The following SOX5 variants were observed in gnomAD, a reference collection of about 807,000 sequenced individuals.
The protein encoded by SOX5 is transcription factor SOX-5.
In SOX5, 9 loss-of-function variants were observed where a neutral mutation model predicts 92.0. The ratio of observed to expected loss-of-function variants is 0.10; its 90% CI spans 0.06 to 0.17. The LOEUF (loss-of-function observed/expected upper bound fraction) is 0.17. Ranked by LOEUF, SOX5 falls within the 10% of genes least tolerant of loss-of-function variation. The probability of loss-of-function intolerance (pLI) is 1.00; values close to 1 mark genes in which losing one functional copy is unlikely to be tolerated. For missense variants in SOX5, 642 were observed against 944.5 expected, an observed-to-expected ratio of 0.68 and a Z score of 4.20; for synonymous variants, 344 against 336.3, an observed-to-expected ratio of 1.02 and a Z score of -0.25.
chr12:24,469,801 T>C (rs1454633982), intron 1 of SOX5, among the ~76,000 whole-genome samples: 2 of 152,180 alleles, frequency 1.3e-5, no homozygotes, highest in African/African-American at 4.8e-5. Context: ...AAAAACCCTT[T>C]CCTCCACTAA....
At chr12:24,451,238 A>G (rs1207365153) in intron 1 of SOX5, among the ~76,000 whole-genome samples, 2 of 152,206 alleles carry the variant, frequency 1.3e-5, no homozygotes, top group Non-Finnish European at 2.9e-5. Flanking sequence ...CTTTATGACT[A>G]GTGCTGCAAT....
intron 1 of SOX5, among the ~76,000 whole-genome samples, chr12:24,522,065 C>T (rs1373534192): frequency 6.7e-6 from 1 of 148,548 alleles, no homozygotes; most frequent in African/African-American, 2.5e-5. Flanking sequence ...GAGAGAAGAC[C>T]CAAAATCAGA....
At chr12:23,781,554 T>C (rs1353003327) in intron 3 of SOX5, among the ~76,000 whole-genome samples, 2 of 151,940 alleles carry the variant, frequency 1.3e-5, no homozygotes, top group African/African-American at 4.8e-5. Context: ...ATGATGAAAG[T>C]AAAAGAAAGG....
At chr12:23,551,828 A>C (rs1348808768) in intron 11 of SOX5, among the ~76,000 whole-genome samples, 1 of 151,498 alleles carries the variant, frequency 6.6e-6, no homozygotes, top group Non-Finnish European at 1.5e-5. Flanking sequence ...ATTGAAACCC[A>C]TAATTTTGTT....
intron 5 of SOX5, chr12:23,738,600 G>A (rs905250068): frequency 6.6e-6 from 1 of 152,152 alleles, no homozygotes; most frequent in East Asian, 1.9e-4. Flanking sequence ...AAGGATTCTA[G>A]AATCCTTTTA....
chr12:23,566,361 T>G (rs1283394434), intron 10 of SOX5, among the ~76,000 whole-genome samples: 1 of 152,206 alleles, frequency 6.6e-6, no homozygotes, highest in Non-Finnish European at 1.5e-5. Flanking sequence ...AGTGCAATCT[T>G]GTTTCTGTTG....
At chr12:23,795,219 G>A (rs571074053) in intron 3 of SOX5, among the ~76,000 whole-genome samples, 5 of 151,828 alleles carry the variant, frequency 3.3e-5, no homozygotes, top group Admixed American at 1.3e-4. Flanking sequence ...GAAAATAAGA[G>A]TAGTGCATTT....
chr12:23,763,500 C>A (rs2094620352), intron 3 of SOX5, among the ~76,000 whole-genome samples: 1 of 152,056 alleles, frequency 6.6e-6, no homozygotes, highest in South Asian at 2.1e-4. Context: ...TGGTTATCTA[C>A]CATTCCTATG....
At chr12:24,123,638 A>G (rs1191577704) in intron 4 of SOX5, among the ~76,000 whole-genome samples, 4 of 152,232 alleles carry the variant, frequency 2.6e-5, no homozygotes, top group Non-Finnish European at 5.9e-5. Flanking sequence ...ATATCTCAAA[A>G]GCAATATAAA....
chr12:23,909,734 C>G (rs144688059), intron 1 of SOX5, among the ~76,000 whole-genome samples: 105 of 152,148 alleles, frequency 6.9e-4, no homozygotes, highest in Middle Eastern at 6.8e-3. Flanking sequence ...ACATGCTGAC[C>G]ACTGTCTGAG....
chr12:23,887,009 G>A (rs552911153), intron 2 of SOX5, among the ~76,000 whole-genome samples: 38 of 152,222 alleles, frequency 2.5e-4, no homozygotes, highest in Non-Finnish European at 1.9e-4. Flanking sequence ...GATCATCAAA[G>A]AAAAGTAAAA....
chr12:24,168,786 T>TCTTA (rs1953723407), intron 4 of SOX5, among the ~76,000 whole-genome samples: 1 of 152,068 alleles, frequency 6.6e-6, no homozygotes, highest in Non-Finnish European at 1.5e-5. Flanking sequence ...GGGAGGAAAA[T>TCTTA]CTTACATATC....
chr12:23,576,766 A>T (rs1949172327), intron 9 of SOX5, among the ~76,000 whole-genome samples: 1 of 152,136 alleles, frequency 6.6e-6, no homozygotes, highest in South Asian at 2.1e-4. Flanking sequence ...TAATATTAAC[A>T]TTATATCACT....
chr12:23,756,271 C>G (rs1025543168), intron 3 of SOX5, among the ~76,000 whole-genome samples: 47 of 151,732 alleles, frequency 3.1e-4, no homozygotes, highest in African/African-American at 1.1e-3. Context: ...ATAAAAGAAG[C>G]CTTAAAAAGA....
chr12:23,934,744 T>C (rs1942190256), intron 1 of SOX5, among the ~76,000 whole-genome samples: 1 of 151,328 alleles, frequency 6.6e-6, no homozygotes, highest in Admixed American at 6.6e-5. Flanking sequence ...ATACATTTCC[T>C]AAACATGCTA....
chr12:24,335,055 A>T (rs1465714967), intron 2 of SOX5, among the ~76,000 whole-genome samples: 4 of 152,182 alleles, frequency 2.6e-5, no homozygotes, highest in African/African-American at 9.6e-5. Context: ...CCTAAAAAAA[A>T]TCAAAACTAT....
At chr12:23,635,926 G>C (rs1306476043) in intron 8 of SOX5, among the ~76,000 whole-genome samples, 1 of 151,998 alleles carries the variant, frequency 6.6e-6, no homozygotes, top group Non-Finnish European at 1.5e-5. Context: ...AGGAAGAGAA[G>C]CTAAGAAGAG....
chr12:23,673,350 T>C (rs993943674), intron 6 of SOX5, among the ~76,000 whole-genome samples: 2 of 152,120 alleles, frequency 1.3e-5, no homozygotes, highest in Admixed American at 6.6e-5. Flanking sequence ...GTGTGACTAT[T>C]TGTATTACTT....
chr12:23,732,769 C>T (rs1170521724), intron 6 of SOX5, among the ~76,000 whole-genome samples: 1 of 152,120 alleles, frequency 6.6e-6, no homozygotes, highest in East Asian at 1.9e-4. Context: ...CTATTATAGT[C>T]AGAAAACTTT....
Sources: gnomAD v4.1 joint callset for allele counts (sites outside exome capture counted in the v4.1 genomes callset) on GRCh38, gnomAD v4.1.1 for gene constraint, MANE v1.5 for transcripts, NCBI Gene and HGNC (gene_info 2026-07-23, HGNC 2026-07-21) for gene names.